The following UVSSA variants were observed in gnomAD, a reference collection of about 807,000 sequenced individuals.
The protein encoded by UVSSA is UV-stimulated scaffold protein A.
Under a neutral mutation model 73.9 loss-of-function variants are expected in UVSSA, and 72 were observed. That is an observed-to-expected ratio of 0.97 (90% CI 0.81 to 1.19). UVSSA has a LOEUF of 1.19. Among genes scored for constraint, UVSSA ranks in the 50% most tolerant of loss-of-function variants. The pLI is 0.00. For missense variants in UVSSA, 1,150 were observed against 965.0 expected (o/e 1.19, Z -2.54); for synonymous variants, 454 against 391.3 (o/e 1.16, Z -1.89).
chr4:1,369,691 G>A (rs569901387), intron 8 of UVSSA, among the ~76,000 whole-genome samples: 5 of 152,214 alleles, frequency 3.3e-5, no homozygotes, highest in Non-Finnish European at 7.3e-5. Flanking sequence ...TGGGCAGGCC[G>A]CCTGGGCGCA....
At chr4:1,356,195 G>A (rs553773205) in intron 7 of UVSSA, among the ~76,000 whole-genome samples, 157 of 152,242 alleles carry the variant, frequency 1.0e-3, no homozygotes, top group African/African-American at 3.5e-3. Context: ...CCACTTTAAG[G>A]AAAGCTTTGG....
At chr4:1,392,716 C>A (rs7667334), downstream of UVSSA, 2 of 152,162 alleles carry the variant, frequency 1.3e-5, no homozygotes, top group Non-Finnish European at 2.9e-5. Context: ...TTCAGTGTGT[C>A]CTACCTGCAG....
rs1395136772 is a variant in UVSSA at position 1,380,905 on chromosome 4, C to G, written c.1778C>G (p.Pro593Arg). The G allele has an allele frequency of 6.2e-7, 1 of 1,612,936 alleles. No homozygotes were observed. The highest frequency in any genetic ancestry group is 1.3e-5 in the African/African-American group (1 of 74,908). The change falls in exon 12 of 14, where the codon CCA becomes CGA. Residue 593 changes from proline to arginine, a missense_variant. Coordinates refer to ENST00000389851, the MANE Select transcript of UVSSA (RefSeq NM_020894.4). ...LKCPFHGKIV[P>R]RDDEGRPLDP... ...TGCCCTTTCCATGGGAAGATTGTTC[C>G]ACGGGACGACGAAGGACGGCCGCTC...
chr4:1,395,847 A>G, exon 14 of UVSSA: 1 of 1,612,914 alleles, frequency 6.2e-7, no homozygotes, highest in Non-Finnish European at 8.5e-7. Flanking sequence ...CCTCGAGATA[A>G]CGTAGGAATA....
intron 7 of UVSSA, among the ~76,000 whole-genome samples, chr4:1,356,352 C>T (rs1177983737): frequency 6.6e-6 from 1 of 152,126 alleles, no homozygotes; most frequent in Non-Finnish European, 1.5e-5. Flanking sequence ...GGCCCCGCGT[C>T]CCCAACGTGG....
At chr4:1,394,564 G>T (rs1196334770) in exon 14 of UVSSA, 1 of 1,526,094 alleles carries the variant, frequency 6.6e-7, no homozygotes. Flanking sequence ...GCTCACACGT[G>T]CCCATGTGGA....
chr4:1,373,441 G>C (rs1446053684), intron 8 of UVSSA, among the ~76,000 whole-genome samples: 1 of 152,136 alleles, frequency 6.6e-6, no homozygotes, highest in Non-Finnish European at 1.5e-5. Flanking sequence ...GCCTTCCCCA[G>C]CCCACTGACT....
chr4:1,389,237 C>G (rs1438028120), downstream of UVSSA: 1 of 152,172 alleles, frequency 6.6e-6, no homozygotes, highest in Non-Finnish European at 1.5e-5. Context: ...ACTCTGTTGC[C>G]CAGGCTGGAG....
intron 3 of UVSSA, 107 bp downstream of exon 3, chr4:1,349,961 C>G (rs1714439241): frequency 9.1e-7 from 1 of 1,103,124 alleles, no homozygotes. Context: ...ACAGCAGGGG[C>G]CTGCTTGGCC....
Position 1,355,204 on chromosome 4 carries a change from A to G in UVSSA, c.1135A>G (p.Lys379Glu), listed in dbSNP as rs1560436311. ...ATTGGAGCTCGTACTGAGAAAATAC[A>G]AGGAGCTGGACATCGAGCCTGAGGG... Reference protein sequence around the residue: ...AELELVLRKYKELDIEPEGGE... With the variant: ...AELELVLRKYEELDIEPEGGE... The change falls in exon 7 of 14, where the codon AAG (lysine) becomes GAG (glutamate). Residue 379 changes from lysine (K) to glutamate (E), a missense_variant. Transcript: ENST00000389851. 2.5e-6 allele frequency: 4 copies of G among 1,612,666 alleles called. No individual in the cohort carries two copies. The highest frequency in any genetic ancestry group is 1.7e-5 in the Admixed American group (1 of 59,938).
intron 8 of UVSSA, among the ~76,000 whole-genome samples, chr4:1,374,357 A>G (rs1718490834): frequency 6.6e-6 from 1 of 152,216 alleles, no homozygotes; most frequent in Admixed American, 6.5e-5. Flanking sequence ...GCTAGGGAGT[A>G]TAGGCCCCGC....
Position 1,370,706 on chromosome 4 carries a change from G to C in UVSSA, c.1288+4275G>C, listed in dbSNP as rs139544903. On this transcript the variant is annotated intron_variant, in intron 8 of 13. Transcript: ENST00000389851. ...GAAAACAGGCGGTGGGCTGGACTTGGCTCATAGCCACAGGCTGGCGAGCCC... is the reference window on the plus strand; with the variant it reads ...GAAAACAGGCGGTGGGCTGGACTTGCCTCATAGCCACAGGCTGGCGAGCCC... Among the ~76,000 whole-genome samples the C allele has an allele frequency of 3.6e-3, 552 of 152,330 alleles. 5 individuals carry two copies. Among genetic ancestry groups the C allele is most frequent in the African/African-American group, 0.013 (534 of 41,562 alleles).
upstream of UVSSA, among the ~76,000 whole-genome samples, chr4:1,346,057 G>C (rs1177825167): frequency 6.6e-6 from 1 of 152,188 alleles, no homozygotes; most frequent in Non-Finnish European, 1.5e-5. Flanking sequence ...CTCGGGGCTG[G>C]CTGCAAGCTA....
rs763355448 is a variant in UVSSA at position 1,385,897 on chromosome 4, T to A, written c.2066T>A (p.Met689Lys). ...KAAVRRVVAA[M>K]NRMDQKKHEK... is the part of the protein sequence containing the mutation. ...GCTGTGCGGAGGGTAGTGGCAGCCA[T>A]GAACCGGATGGACCAGAAGAAGCAC... The change falls in exon 14 of 14, where the codon ATG becomes AAG. Residue 689 changes from methionine (M) to lysine (K), a missense_variant. Coordinates refer to ENST00000389851, the MANE Select transcript of UVSSA (RefSeq NM_020894.4). The A allele has an allele frequency of 6.2e-7, 1 of 1,613,992 alleles. No individual in the cohort carries two copies.
In UVSSA at chr4:1,355,165, G is replaced by C; in HGVS notation, c.1096G>C (p.Asp366His). ...THGGCLKRAI[D>H]LKAELELVLR... ...CGGTGGATGTTTAAAGCGTGCCATTGACCTGAAGGCTGAATTGGAGCTCGT... is the reference window on the plus strand; with the variant it reads ...CGGTGGATGTTTAAAGCGTGCCATTCACCTGAAGGCTGAATTGGAGCTCGT... Residue 366 changes from aspartate (D) to histidine (H), a missense_variant, in exon 7 of 14, where the codon GAC becomes CAC. Coordinates refer to ENST00000389851, the MANE Select transcript of UVSSA (RefSeq NM_020894.4). The C allele has an allele frequency of 6.2e-7, 1 of 1,613,912 alleles. No homozygotes were observed. The highest frequency in any genetic ancestry group is 8.5e-7 in the Non-Finnish European group (1 of 1,179,924).
At chr4:1,377,590 C>G (rs915313568) in intron 10 of UVSSA, among the ~76,000 whole-genome samples, 1 of 152,202 alleles carries the variant, frequency 6.6e-6, no homozygotes, top group Non-Finnish European at 1.5e-5. Context: ...AAGCTCCCAC[C>G]GAGAAGCGGA....
intron 12 of UVSSA, among the ~76,000 whole-genome samples, chr4:1,381,450 C>A (rs1200109076): frequency 6.6e-6 from 1 of 152,218 alleles, no homozygotes; most frequent in Non-Finnish European, 1.5e-5. Flanking sequence ...GTGGCCACTG[C>A]TATGGCGGCA....
upstream of UVSSA, among the ~76,000 whole-genome samples, chr4:1,342,259 A>G (rs949831411): frequency 9.2e-5 from 14 of 152,318 alleles, no homozygotes; most frequent in African/African-American, 3.4e-4. Context: ...ATTGTTGTCA[A>G]CACTTGGTAG....
intron 8 of UVSSA, among the ~76,000 whole-genome samples, chr4:1,369,189 C>T (rs1479732441): frequency 6.6e-6 from 1 of 152,260 alleles, no homozygotes; most frequent in Non-Finnish European, 1.5e-5. Context: ...CCTGGGTACC[C>T]TTGGCGGCCT....
Sources: allele counts gnomAD v4.1 joint callset (sites outside exome capture counted in the v4.1 genomes callset), GRCh38; gene constraint gnomAD v4.1.1; transcripts MANE v1.5; gene names NCBI Gene and HGNC (gene_info 2026-07-23, HGNC 2026-07-21).